ZFHX3: variants seen among roughly 807,000 people sequenced by gnomAD.
The protein encoded by ZFHX3 is zinc finger homeobox 3.
A neutral mutation model predicts 279.1 loss-of-function variants in ZFHX3; 42 were observed. That is an observed-to-expected ratio of 0.15 (90% confidence interval 0.12 to 0.19). The LOEUF is 0.19. ZFHX3 is among the 10% of genes least tolerant of loss of function. ZFHX3 has a pLI of 1.00. For synonymous variants in ZFHX3, 2,293 were observed against 1,957.8 expected (o/e 1.17, Z -4.52); for missense variants, 4,981 against 4,754.0 (o/e 1.05, Z -1.40).
chr16:73,200,631 A>G (rs1025515353), intron 5 of ZFHX3, among the ~76,000 whole-genome samples: 1 of 152,174 alleles, frequency 6.6e-6, no homozygotes, highest in South Asian at 2.1e-4. Context: ...ACCTAACTCT[A>G]TGACCTGAAA....
intron 1 of ZFHX3, among the ~76,000 whole-genome samples, chr16:72,962,619 T>C (rs1448616402): frequency 6.6e-6 from 1 of 152,208 alleles, no homozygotes; most frequent in Non-Finnish European, 1.5e-5. Flanking sequence ...AAGCGTGGTT[T>C]GTGGACTTGA....
intron 1 of ZFHX3, among the ~76,000 whole-genome samples, chr16:73,783,475 G>A (rs879363927): frequency 3.3e-5 from 5 of 152,190 alleles, no homozygotes; most frequent in African/African-American, 1.2e-4. Context: ...ACCCAGGAAA[G>A]AATGGGAGTT....
chr16:72,788,207 G>T lies in ZFHX3; in HGVS notation c.10069C>A (p.Pro3357Thr). ...TGGTACTGCTGCAGTAGGGAGCCTGGGGACAGCCCCATCAGGGCCTGCGAC... is the reference window on the plus strand; with the variant it reads ...TGGTACTGCTGCAGTAGGGAGCCTGTGGACAGCCCCATCAGGGCCTGCGAC... The part of the protein sequence containing the change: ...ALSQALMGLS[P>T]GSLLQQYQQY... The change falls in exon 10 of 10, where the codon CCA (proline) becomes ACA (threonine). Residue 3357 changes from proline to threonine, a missense_variant. Physicochemically the swap from Pro to Thr is conservative, Grantham distance 38. This residue lies in a region of ZFHX3 where 1,034 missense variants were observed against 786.0 expected (regional missense o/e 1.32). Transcript: ENST00000268489. 6.2e-7 allele frequency: 1 copy of T among 1,612,876 alleles called. No individual in the cohort carries two copies. Among genetic ancestry groups the T allele is most frequent in the Non-Finnish European group, 8.5e-7 (1 of 1,179,190 alleles).
At chr16:72,944,530 C>A (rs1960567989) in intron 3 of ZFHX3, among the ~76,000 whole-genome samples, 2 of 152,126 alleles carry the variant, frequency 1.3e-5, no homozygotes. Flanking sequence ...TAAAAAAGGT[C>A]TCAGGTATTA....
At chr16:73,156,202 A>G (rs1044252593) in intron 5 of ZFHX3, among the ~76,000 whole-genome samples, 16 of 145,662 alleles carry the variant, frequency 1.1e-4, no homozygotes, top group African/African-American at 3.8e-4. Context: ...ACTGCACTCC[A>G]GCCTGGGCGA....
intron 1 of ZFHX3, among the ~76,000 whole-genome samples, chr16:72,970,671 C>T (rs1447730626): frequency 1.3e-5 from 2 of 152,240 alleles, no homozygotes; most frequent in African/African-American, 4.8e-5. Flanking sequence ...CTAAACCGGA[C>T]ACCTTCTGAC....
At chr16:73,877,862 T>C (rs934457604) in intron 1 of ZFHX3, among the ~76,000 whole-genome samples, 2 of 152,032 alleles carry the variant, frequency 1.3e-5, no homozygotes, top group Non-Finnish European at 2.9e-5. Context: ...TACACAAACA[T>C]GGTGATTTCA....
intron 4 of ZFHX3, among the ~76,000 whole-genome samples, chr16:72,845,194 C>T (rs115167824): frequency 5.3e-5 from 8 of 152,180 alleles, no homozygotes; most frequent in Non-Finnish European, 8.8e-5. Flanking sequence ...CCTCCCCCTG[C>T]GCCCAGTGCT....
intron 3 of ZFHX3, among the ~76,000 whole-genome samples, chr16:73,409,090 T>G (rs1051506385): frequency 6.6e-6 from 1 of 152,208 alleles, no homozygotes; most frequent in African/African-American, 2.4e-5. Flanking sequence ...AAGTGTTAAC[T>G]TATCTGCTAT....
chr16:73,339,884 CA>C (rs1343903965), intron 3 of ZFHX3, among the ~76,000 whole-genome samples: 3 of 152,164 alleles, frequency 2.0e-5, no homozygotes, highest in Non-Finnish European at 2.9e-5. Context: ...ACGATGATGA[CA>C]AAAACGATAA....
chr16:73,002,178 C>T (rs546254103), intron 1 of ZFHX3, among the ~76,000 whole-genome samples: 6 of 152,312 alleles, frequency 3.9e-5, no homozygotes, highest in Admixed American at 6.5e-5. Context: ...CTCAAACCCC[C>T]GCCAGGATAG....
At chr16:73,888,072 C>T (rs936871063) in intron 1 of ZFHX3, among the ~76,000 whole-genome samples, 2 of 152,136 alleles carry the variant, frequency 1.3e-5, no homozygotes, top group African/African-American at 2.4e-5. Context: ...TCTGCATCAG[C>T]CCACCTCCGT....
At chr16:73,387,020 C>G (rs1000603071) in intron 3 of ZFHX3, 3 of 152,202 alleles carry the variant, frequency 2.0e-5, no homozygotes, top group Non-Finnish European at 4.4e-5. Flanking sequence ...GAGAGTAGTT[C>G]TTCCATTCCA....
At chr16:73,569,958 C>T (rs577699109) in intron 2 of ZFHX3, among the ~76,000 whole-genome samples, 3 of 152,268 alleles carry the variant, frequency 2.0e-5, no homozygotes, top group South Asian at 2.1e-4. Flanking sequence ...AGGCAGAGGG[C>T]GTGAAGTCCT....
At chr16:72,976,271 C>G (rs1272824834) in intron 1 of ZFHX3, among the ~76,000 whole-genome samples, 3 of 152,222 alleles carry the variant, frequency 2.0e-5, no homozygotes, top group Non-Finnish European at 2.9e-5. Context: ...ATTTTGGCAA[C>G]TGTTCCTGCA....
At chr16:73,032,341 A>G (rs1052174191) in intron 1 of ZFHX3, among the ~76,000 whole-genome samples, 2 of 152,086 alleles carry the variant, frequency 1.3e-5, no homozygotes, top group African/African-American at 4.8e-5. Flanking sequence ...AACAAAAACA[A>G]AAACCTGGCT....
At chr16:73,765,271 T>C (rs1007601858) in intron 1 of ZFHX3, among the ~76,000 whole-genome samples, 2 of 152,018 alleles carry the variant, frequency 1.3e-5, no homozygotes, top group Non-Finnish European at 2.9e-5. Context: ...AGCAAATGGG[T>C]GGTGGTTGTT....
intron 4 of ZFHX3, among the ~76,000 whole-genome samples, chr16:72,851,067 T>C (rs35868667): frequency 1.3e-5 from 2 of 152,106 alleles, no homozygotes; most frequent in Non-Finnish European, 2.9e-5. Context: ...AGCAGAAATA[T>C]TTCCTTTCAC....
chr16:73,464,796 C>A (rs189179867), intron 2 of ZFHX3, among the ~76,000 whole-genome samples: 5 of 152,354 alleles, frequency 3.3e-5, no homozygotes, highest in Admixed American at 1.3e-4. Context: ...GTCCCAGACC[C>A]GCCTTTGGGT....
Sources: gnomAD v4.1 joint callset for allele counts (sites outside exome capture counted in the v4.1 genomes callset) on GRCh38, gnomAD v4.1.1 for gene constraint, gnomAD v4.1.1 regional missense constraint, MANE v1.5 for transcripts, NCBI Gene and HGNC (gene_info 2026-07-23, HGNC 2026-07-21) for gene names.